FBXW7: variants seen among roughly 807,000 people sequenced by gnomAD.
FBXW7 encodes the protein F-box/WD repeat-containing protein 7.
Under a neutral mutation model 86.3 loss-of-function variants are expected in FBXW7, and 11 were observed. That is an observed-to-expected ratio of 0.13 (90% CI 0.08 to 0.21). The LOEUF is 0.21. FBXW7 is among the 10% of genes least tolerant of loss of function. The pLI, the probability that FBXW7 is intolerant of heterozygous loss-of-function variation, is 1.00. For synonymous variants in FBXW7, 313 were observed against 297.9 expected (o/e 1.05, Z -0.52); for missense variants, 488 against 847.4 (o/e 0.58, Z 5.27).
rs117649628 is a variant in FBXW7, at chr4:152,513,758, C to A, written c.-120+21183G>T. Among the ~76,000 whole-genome samples, 42 of 152,300 alleles carry A rather than the reference C, an allele frequency of 2.8e-4. No individual in the cohort carries two copies. The East Asian group carries it at 7.7e-3, about 28-fold the overall frequency. On this transcript the variant is annotated intron_variant, in intron 2 of 13. Transcript: ENST00000281708. ...TTTATAAAAATAAAAAACTTTACATCTCAACCATAGAAACCATTCTGAAAC... is the reference window on the plus strand; with the variant it reads ...TTTATAAAAATAAAAAACTTTACATATCAACCATAGAAACCATTCTGAAAC...
chr4:152,457,263 A>G (rs968193965), intron 2 of FBXW7, among the ~76,000 whole-genome samples: 1 of 152,208 alleles, frequency 6.6e-6, no homozygotes, highest in African/African-American at 2.4e-5. Flanking sequence ...TTTAAGGGTG[A>G]TGTATATATT....
chr4:152,389,422 A>G (rs1268388285), intron 4 of FBXW7, among the ~76,000 whole-genome samples: 1 of 152,156 alleles, frequency 6.6e-6, no homozygotes, highest in East Asian at 1.9e-4. Context: ...CAAATGGAAT[A>G]CTATTCAGCT....
intron 4 of FBXW7, among the ~76,000 whole-genome samples, chr4:152,409,592 T>G (rs140712042): frequency 5.9e-5 from 9 of 152,234 alleles, no homozygotes; most frequent in African/African-American, 2.2e-4. Flanking sequence ...AAATCTTACT[T>G]GTAGAAGGGT....
intron 5 of FBXW7, 87 bp from the exon 6 acceptor site, chr4:152,347,158 T>G (rs975953866): frequency 1.8e-6 from 2 of 1,094,906 alleles, no homozygotes; most frequent in African/African-American, 3.2e-5. Flanking sequence ...TAATAATAGA[T>G]TCTAGTACAA....
intron 2 of FBXW7, among the ~76,000 whole-genome samples, chr4:152,515,648 T>A (rs1371703633): frequency 6.6e-6 from 1 of 152,018 alleles, no homozygotes; most frequent in Non-Finnish European, 1.5e-5. Context: ...GATTCAGCAT[T>A]GAAACAAAAA....
At chr4:152,461,537 A>T (rs905759716) in intron 2 of FBXW7, among the ~76,000 whole-genome samples, 1 of 152,190 alleles carries the variant, frequency 6.6e-6, no homozygotes, top group Non-Finnish European at 1.5e-5. Context: ...TAATCCTTTG[A>T]ACATAGGACT....
rs141746076 is a variant in FBXW7, at chr4:152,459,913, T to G, written c.-119-47384A>C. The stretch of plus-strand genomic sequence containing the variant: ...AAGCAAAACTGTGGATAAGGGGGAC[T>G]ACTATATATGAAATACAGAATAGCC... On this transcript the variant is annotated intron_variant, in intron 2 of 13. Coordinates refer to ENST00000281708, the MANE Select transcript of FBXW7 (RefSeq NM_001349798.2). Among the ~76,000 whole-genome samples the G allele has an allele frequency of 5.3e-5, 8 of 152,306 alleles. No homozygotes were observed. The East Asian group carries it at 1.5e-3, about 29-fold the overall frequency.
chr4:152,369,986 T>C (rs1251909500), intron 4 of FBXW7, among the ~76,000 whole-genome samples: 1 of 152,018 alleles, frequency 6.6e-6, no homozygotes, highest in African/African-American at 2.4e-5. Flanking sequence ...GATATAGTTA[T>C]GTTATCTTAG....
At chr4:152,402,150 A>G (rs927751663) in intron 4 of FBXW7, among the ~76,000 whole-genome samples, 1 of 152,194 alleles carries the variant, frequency 6.6e-6, no homozygotes, top group African/African-American at 2.4e-5. Flanking sequence ...GACTATTATT[A>G]TCATAATAAC....
intron 2 of FBXW7, among the ~76,000 whole-genome samples, chr4:152,472,209 T>C (rs929675650): frequency 2.4e-4 from 37 of 152,190 alleles, no homozygotes; most frequent in African/African-American, 7.5e-4. Context: ...TGTATAATAA[T>C]ATAATACAAA....
intron 4 of FBXW7, among the ~76,000 whole-genome samples, chr4:152,407,688 C>T (rs1737544208): frequency 6.6e-6 from 1 of 152,228 alleles, no homozygotes; most frequent in Non-Finnish European, 1.5e-5. Flanking sequence ...TCTTACGCCT[C>T]TAAACTCCAA....
At chr4:152,344,011 G>A (rs184019319) in intron 6 of FBXW7, among the ~76,000 whole-genome samples, 3 of 152,236 alleles carry the variant, frequency 2.0e-5, no homozygotes, top group Non-Finnish European at 4.4e-5. Flanking sequence ...AGGAGCAATA[G>A]CAGAACAGTA....
At chr4:152,331,893 A>G (rs1362928865) in intron 8 of FBXW7, among the ~76,000 whole-genome samples, 2 of 151,988 alleles carry the variant, frequency 1.3e-5, no homozygotes, top group African/African-American at 4.8e-5. Context: ...ATGACAAACC[A>G]AGCACCCTGG....
chr4:152,418,660 T>A (rs1412132863), intron 2 of FBXW7, among the ~76,000 whole-genome samples: 1 of 152,192 alleles, frequency 6.6e-6, no homozygotes, highest in Non-Finnish European at 1.5e-5. Context: ...GTTTTACTAA[T>A]CTTTCCCAGA....
intron 2 of FBXW7, among the ~76,000 whole-genome samples, chr4:152,526,396 C>T (rs1367849087): frequency 6.6e-6 from 1 of 152,028 alleles, no homozygotes; most frequent in Non-Finnish European, 1.5e-5. Context: ...ATTGTATTGG[C>T]CAATAAAACA....
intron 4 of FBXW7, among the ~76,000 whole-genome samples, chr4:152,376,892 T>G (rs1440903809): frequency 6.6e-6 from 1 of 151,708 alleles, no homozygotes; most frequent in Admixed American, 6.6e-5. Context: ...AGTTTTTTCA[T>G]GACTAAAATT....
chr4:152,328,450 T>G (rs1417028206), intron 10 of FBXW7, 61 bp from the exon 11 acceptor site: 2 of 1,142,536 alleles, frequency 1.8e-6, no homozygotes, highest in African/African-American at 1.6e-5. Context: ...TAAATAAAAT[T>G]TAATAGCTCA....
chr4:152,322,726 T>C lies in FBXW7; in HGVS notation c.*155A>G, dbSNP rs1195008988. On this transcript the variant is annotated 3_prime_UTR_variant, in exon 14 of 14. Coordinates refer to ENST00000281708, the MANE Select transcript of FBXW7 (RefSeq NM_001349798.2). ...CATCTCTTCTTCTTTTCCTTCTTAG[T>C]CTGTAGGTCTTTTCAATCTGTTGCC... The C allele has an allele frequency of 5.8e-6, 7 of 1,216,174 alleles. No homozygotes were observed. Among genetic ancestry groups the C allele is most frequent in the Non-Finnish European group, 6.7e-6 (6 of 898,476 alleles). 75.3% of individuals were successfully genotyped at this position (1,216,174 alleles called of 1,614,324 possible). A position where few individuals can be genotyped will look rare whatever the true frequency, so the allele number is the denominator to read the frequency against.
rs936771519 is a variant in FBXW7 at position 152,535,506 on chromosome 4, G to A, written c.-592C>T. On this transcript the variant is annotated 5_prime_UTR_variant, in exon 1 of 14. Coordinates refer to ENST00000281708, the MANE Select transcript of FBXW7 (RefSeq NM_001349798.2). Reference sequence around the variant, plus strand: ...TCCCCGCCCCCCCGGCCGGGGGGTGGTTGCCGAGCTTGGTTGGGGCCCCGG... The same window carrying A: ...TCCCCGCCCCCCCGGCCGGGGGGTGATTGCCGAGCTTGGTTGGGGCCCCGG... 9 of 395,250 alleles carry A rather than the reference G, an allele frequency of 2.3e-5. No homozygotes were observed. Among genetic ancestry groups the A allele is most frequent in the Middle Eastern group, 1.3e-3 (2 of 1,596 alleles). The allele number at this position is 395,250 out of a possible 1,614,324, so 24.5% of individuals were successfully genotyped here. A position where few individuals can be genotyped will look rare whatever the true frequency, so the allele number is the denominator to read the frequency against.
Sources: allele counts gnomAD v4.1 joint callset (sites outside exome capture counted in the v4.1 genomes callset), GRCh38; gene constraint gnomAD v4.1.1; transcripts MANE v1.5; gene names NCBI Gene and HGNC (gene_info 2026-07-23, HGNC 2026-07-21).